Variants in RIMS1 observed in about 807,000 individuals in gnomAD.
RIMS1 encodes regulating synaptic membrane exocytosis 1, also known as regulating synaptic membrane exocytosis protein 1.
RIMS1 carries 83 observed loss-of-function variants against 214.1 expected under a neutral mutation model. The ratio of observed to expected loss-of-function variants is 0.39; its 90% CI spans 0.32 to 0.47. The LOEUF (loss-of-function observed/expected upper bound fraction) is 0.47, where lower values mean the gene tolerates loss of function less well. Ranked by LOEUF, RIMS1 falls within the 20% of genes least tolerant of loss-of-function variation. RIMS1 has a pLI of 0.99. For synonymous variants in RIMS1, 793 were observed against 786.8 expected (o/e 1.01, Z -0.13); for missense variants, 2,050 against 2,161.8 (o/e 0.95, Z 1.03).
At chr6:72,307,213 G>A (rs1331394713) in intron 26 of RIMS1, 45 bp from the exon 27 acceptor site, 3 of 1,248,832 alleles carry the variant, frequency 2.4e-6, no homozygotes, top group Non-Finnish European at 2.3e-6. Flanking sequence ...GTTCCTGAAA[G>A]GTTCTTCACA....
intron 2 of RIMS1, among the ~76,000 whole-genome samples, chr6:71,992,835 A>G (rs1009842205): frequency 7.9e-5 from 12 of 151,950 alleles, no homozygotes; most frequent in Admixed American, 3.9e-4. Flanking sequence ...AAGTTTTTGT[A>G]TCTTTTGTAG....
At chr6:72,214,546 G>A (rs1024085524) in intron 6 of RIMS1, among the ~76,000 whole-genome samples, 1 of 152,102 alleles carries the variant, frequency 6.6e-6, no homozygotes, top group African/African-American at 2.4e-5. Context: ...CATTCAAAAT[G>A]ACTTTATAAT....
At position 71,971,653 on chromosome 6, in the gene RIMS1, G is replaced by C. The variant is rs192566898; in HGVS notation, c.245+2590G>C. 2.6e-5 allele frequency among the ~76,000 whole-genome samples: 4 copies of C among 152,152 alleles called. No individual in the cohort carries two copies. In the South Asian group the frequency reaches 8.3e-4, roughly 32 times the overall value. Reference sequence around the variant, plus strand: ...TTTATTGGACTTACAGTTCCACATGGCTGGGGAGGTCTCACAATCATGCTG... The same window carrying C: ...TTTATTGGACTTACAGTTCCACATGCCTGGGGAGGTCTCACAATCATGCTG... On this transcript the variant is annotated intron_variant, in intron 2 of 33. Transcript: ENST00000521978.
chr6:72,284,602 A>G (rs2091622300), intron 24 of RIMS1, among the ~76,000 whole-genome samples: 1 of 152,172 alleles, frequency 6.6e-6, no homozygotes, highest in Non-Finnish European at 1.5e-5. Flanking sequence ...TTAATGTAAA[A>G]TTATAAGGGA....
intron 23 of RIMS1, among the ~76,000 whole-genome samples, chr6:72,280,493 C>T (rs1366635390): frequency 1.3e-5 from 2 of 151,842 alleles, no homozygotes; most frequent in Non-Finnish European, 2.9e-5. Flanking sequence ...CTATTTTATT[C>T]TCTGCTCCTT....
Position 72,243,719 on chromosome 6 carries a change from A to C in RIMS1, c.2081+1282A>C, listed in dbSNP as rs562017436. Among the ~76,000 whole-genome samples, 438 of 151,934 alleles carry C rather than the reference A, an allele frequency of 2.9e-3. 4 individuals carry two copies. Among genetic ancestry groups the C allele is most frequent in the African/African-American group, 0.01 (419 of 41,566 alleles). On this transcript the variant is annotated intron_variant, in intron 10 of 33. Coordinates refer to ENST00000521978, the MANE Select transcript of RIMS1 (RefSeq NM_014989.7). ...TAAAAAAGTAACAGACAATTAAAGT[A>C]GACTGGAATAACATTATTTTTACTT...
rs191076513 is a variant in RIMS1, at chr6:72,199,915, A to G, written c.1678+16766A>G. Among the ~76,000 whole-genome samples, 376 of 152,234 alleles carry G rather than the reference A, an allele frequency of 2.5e-3. 1 individual carries two copies. Among genetic ancestry groups the G allele is most frequent in the Middle Eastern group, 0.02 (6 of 294 alleles). On this transcript the variant is annotated intron_variant, in intron 6 of 33. Transcript: ENST00000521978. ...CATTAGAACGACTAAGAAAATATCT[A>G]AAAATAAGGTTGGGAAGTAGAATTG...
chr6:72,093,677 T>C lies in RIMS1; in HGVS notation c.246-3272T>C, dbSNP rs368013593. 3.9e-5 allele frequency among the ~76,000 whole-genome samples: 6 copies of C among 152,252 alleles called. No individual in the cohort carries two copies. The East Asian group carries it at 9.6e-4, about 24-fold the overall frequency. ...ATGTGTTAGATTTTTTTTTACCATG[T>C]CATACTGTAATATTTAAATGTTCTG... On this transcript the variant is annotated intron_variant, in intron 2 of 33. Transcript: ENST00000521978.
intron 1 of RIMS1, among the ~76,000 whole-genome samples, chr6:71,922,403 T>C (rs1353956246): frequency 2.0e-5 from 3 of 152,200 alleles, no homozygotes; most frequent in Non-Finnish European, 4.4e-5. Context: ...ATAAATGCAC[T>C]CATGCCATAT....
intron 4 of RIMS1, among the ~76,000 whole-genome samples, chr6:72,121,754 G>T (rs911225362): frequency 6.6e-6 from 1 of 151,816 alleles, no homozygotes; most frequent in Non-Finnish European, 1.5e-5. Context: ...AATGCTTCCA[G>T]TTTTTGCCCA....
intron 2 of RIMS1, among the ~76,000 whole-genome samples, chr6:72,003,985 C>T (rs1290314973): frequency 6.7e-6 from 1 of 149,112 alleles, no homozygotes; most frequent in Non-Finnish European, 1.5e-5. Flanking sequence ...CGTCATTTAG[C>T]ATTAGGTGTA....
chr6:71,933,660 A>G (rs1339455478), intron 1 of RIMS1, among the ~76,000 whole-genome samples: 1 of 148,782 alleles, frequency 6.7e-6, no homozygotes, highest in Non-Finnish European at 1.5e-5. Flanking sequence ...CCTCATATAA[A>G]TGTCTATCAG....
chr6:72,110,678 A>C (rs2035884561), intron 4 of RIMS1, among the ~76,000 whole-genome samples: 2 of 151,186 alleles, frequency 1.3e-5, no homozygotes, highest in African/African-American at 4.9e-5. Flanking sequence ...TCTTTTCCTA[A>C]TTGAATACCC....
At chr6:72,031,452 A>G (rs1818080854) in intron 2 of RIMS1, among the ~76,000 whole-genome samples, 1 of 152,158 alleles carries the variant, frequency 6.6e-6, no homozygotes, top group Non-Finnish European at 1.5e-5. Flanking sequence ...AGTGATTCCA[A>G]ATAAGGAAGT....
chr6:72,001,429 G>T (rs570273729), intron 2 of RIMS1, among the ~76,000 whole-genome samples: 291 of 152,072 alleles, frequency 1.9e-3, no homozygotes, highest in Non-Finnish European at 3.2e-3. Flanking sequence ...CACCATTCTT[G>T]GACATGTTAC....
At chr6:72,262,099 A>C (rs955939254) in intron 19 of RIMS1, 1 of 984,780 alleles carries the variant, frequency 1.0e-6, no homozygotes, top group East Asian at 1.1e-4. Flanking sequence ...ATTTTAAGCT[A>C]CTTAGTGTGT....
At chr6:72,373,573 A>G (rs978062438) in intron 29 of RIMS1, among the ~76,000 whole-genome samples, 1 of 152,256 alleles carries the variant, frequency 6.6e-6, no homozygotes, top group Non-Finnish European at 1.5e-5. Context: ...GAGAGGCAGA[A>G]AGTAATTGAT....
chr6:72,217,180 G>A lies in RIMS1; in HGVS notation c.1679-16593G>A, dbSNP rs1327529073. On this transcript the variant is annotated intron_variant, in intron 6 of 33. Coordinates refer to ENST00000521978, the MANE Select transcript of RIMS1 (RefSeq NM_014989.7). ...GTGGCATTTAGTTAACCACTCCGAT[G>A]CTGCTGTTATGTTTGCTGGGTTTCT... The A allele has an allele frequency of 1.8e-5, 27 of 1,536,622 alleles. No homozygotes were observed. The Admixed American group carries it at 5.3e-4, about 30-fold the overall frequency.
At chr6:72,311,969 T>C (rs2095534704) in intron 27 of RIMS1, among the ~76,000 whole-genome samples, 1 of 152,174 alleles carries the variant, frequency 6.6e-6, no homozygotes, top group African/African-American at 2.4e-5. Flanking sequence ...AGAATCTGTC[T>C]CCAAAAACAA....
Sources: gnomAD v4.1 joint callset for allele counts (sites outside exome capture counted in the v4.1 genomes callset) on GRCh38, gnomAD v4.1.1 for gene constraint, MANE v1.5 for transcripts, NCBI Gene and HGNC (gene_info 2026-07-23, HGNC 2026-07-21) for gene names.